RASA2: variants seen among roughly 807,000 people sequenced by gnomAD.
RASA2 encodes the protein ras GTPase-activating protein 2.
Under a neutral mutation model 118.2 loss-of-function variants are expected in RASA2, and 155 were observed. The ratio of observed to expected loss-of-function variants is 1.31; its 90% CI spans 1.15 to 1.50. The LOEUF (loss-of-function observed/expected upper bound fraction) is 1.50, where lower values mean the gene tolerates loss of function less well. Among genes scored for constraint, RASA2 ranks in the 40% most tolerant of loss-of-function variants. The pLI is 0.00. For missense variants in RASA2, 1,016 were observed against 1,009.6 expected (o/e 1.01, Z -0.09); for synonymous variants, 353 against 349.1 (o/e 1.01, Z -0.12).
rs2081588231 is a variant in RASA2, at chr3:141,487,217, G to T, written c.133+1G>T. 1 of 1,415,018 alleles carries T rather than the reference G, an allele frequency of 7.1e-7. No individual in the cohort carries two copies. The highest frequency in any genetic ancestry group is 9.3e-7 in the Non-Finnish European group (1 of 1,071,584). The allele number at this position is 1,415,018 out of a possible 1,614,324, so 87.7% of individuals were successfully genotyped here. On this transcript the variant is annotated splice_donor_variant, in intron 1 of 23. Transcript: ENST00000286364. LOFTEE classifies it high-confidence loss of function. ...TTGCAGAGCCTGCGGGGCAAGATCT[G>T]TAAGCGGGGGCTGGGCTGAGGGGAC... is the stretch of plus-strand genomic sequence containing the variant.
chr3:141,578,806 T>C (rs926116087), intron 15 of RASA2: 2 of 152,186 alleles, frequency 1.3e-5, no homozygotes, highest in African/African-American at 4.8e-5. Flanking sequence ...GTAACAGATG[T>C]TGGTGGATAC....
chr3:141,540,074 A>G (rs2082385413), intron 4 of RASA2, among the ~76,000 whole-genome samples: 1 of 152,184 alleles, frequency 6.6e-6, no homozygotes, highest in African/African-American at 2.4e-5. Context: ...CAAAGTAAGT[A>G]GTGACAAATT....
chr3:141,593,771 A>G (rs1463115624), intron 19 of RASA2, among the ~76,000 whole-genome samples: 1 of 152,234 alleles, frequency 6.6e-6, no homozygotes, highest in Non-Finnish European at 1.5e-5. Context: ...TAGGATTAAG[A>G]ATAAACAAAG....
intron 7 of RASA2, among the ~76,000 whole-genome samples, chr3:141,556,621 ATTAT>A (rs1198806334): frequency 1.3e-5 from 2 of 151,978 alleles, no homozygotes; most frequent in African/African-American, 2.4e-5. Flanking sequence ...CCTTTTTCAT[ATTAT>A]TTGCAAACTA....
intron 5 of RASA2, among the ~76,000 whole-genome samples, chr3:141,546,399 T>C (rs1000089060): frequency 6.6e-6 from 1 of 152,246 alleles, no homozygotes; most frequent in Non-Finnish European, 1.5e-5. Context: ...AGAAAAATTA[T>C]AATTTCATTG....
chr3:141,612,237 T>G (rs887591672), intron 23 of RASA2, 46 bp from the exon 24 acceptor site: 11 of 1,401,262 alleles, frequency 7.9e-6, no homozygotes, highest in African/African-American at 2.9e-5. Context: ...CCCTTTAAAT[T>G]TTTGTATTTC....
intron 4 of RASA2, among the ~76,000 whole-genome samples, chr3:141,537,600 C>G (rs990109262): frequency 6.6e-6 from 1 of 152,114 alleles, no homozygotes; most frequent in Non-Finnish European, 1.5e-5. Flanking sequence ...GAAACCGTGT[C>G]TCTACTAAAA....
intron 14 of RASA2, 132 bp downstream of exon 14, chr3:141,574,199 AT>A (rs926676705): frequency 1.5e-4 from 86 of 572,420 alleles, no homozygotes; most frequent in East Asian, 3.3e-4. Context: ...ATTTTATTTT[AT>A]TTTTTTTGAG....
At chr3:141,554,005 T>C in intron 6 of RASA2, 65 bp downstream of exon 6, 3 of 1,542,980 alleles carry the variant, frequency 1.9e-6, no homozygotes, top group East Asian at 2.3e-5. Flanking sequence ...ATTTAAAAAG[T>C]AAGATTCTAC....
At chr3:141,537,113 T>C (rs1186031076) in intron 4 of RASA2, among the ~76,000 whole-genome samples, 1 of 152,200 alleles carries the variant, frequency 6.6e-6, no homozygotes, top group East Asian at 1.9e-4. Context: ...CCCTAGGAGT[T>C]CTTGAATCTG....
chr3:141,593,998 G>A (rs938089116), intron 19 of RASA2, among the ~76,000 whole-genome samples: 3 of 152,248 alleles, frequency 2.0e-5, no homozygotes, highest in African/African-American at 7.2e-5. Flanking sequence ...TCTACATGTT[G>A]GAATTAGCAG....
At chr3:141,563,031 A>G (rs1294455654) in intron 9 of RASA2, among the ~76,000 whole-genome samples, 1 of 152,186 alleles carries the variant, frequency 6.6e-6, no homozygotes, top group Non-Finnish European at 1.5e-5. Flanking sequence ...ATTATGTACA[A>G]ATAATTGCAC....
Position 141,555,913 on chromosome 3 carries a change from G to T in RASA2, c.684+1G>T, listed in dbSNP as rs1027340891. On this transcript the variant is annotated splice_donor_variant, in intron 7 of 23. Coordinates refer to ENST00000286364, the MANE Select transcript of RASA2 (RefSeq NM_006506.5). LOFTEE classifies it high-confidence loss of function. ...GTTTAATGAAATCTTTTATTTTGAG[G>T]TAATTTTTTGTTTTACGTAAATGTT... is the stretch of plus-strand genomic sequence containing the variant. 1 of 1,599,014 alleles carries T rather than the reference G, an allele frequency of 6.3e-7. No homozygotes were observed. The highest frequency in any genetic ancestry group is 1.1e-5 in the South Asian group (1 of 90,172).
chr3:141,603,259 TGTG>T (rs1308404930), intron 19 of RASA2, among the ~76,000 whole-genome samples: 5 of 152,158 alleles, frequency 3.3e-5, no homozygotes, highest in African/African-American at 1.2e-4. Flanking sequence ...TCATTTTTAT[TGTG>T]GTGGTAATTG....
rs2082909350 is a variant in RASA2 at position 141,570,977 on chromosome 3, G to A, written c.929G>A (p.Arg310Gln). Residue 310 changes from arginine to glutamine, a missense_variant, in exon 10 of 24, where the codon CGA becomes CAA. Transcript: ENST00000286364. ...SSKTDDLGSLRLNICYTEDYV... is the reference protein window; with the variant it reads ...SSKTDDLGSLQLNICYTEDYV... ...AAAACTGATGACCTGGGGTCTCTTC[G>A]ATTAAATATATGTTATACAGAAGAC... The A allele has an allele frequency of 3.1e-6, 5 of 1,612,336 alleles. No homozygotes were observed. The highest frequency in any genetic ancestry group is 4.2e-6 in the Non-Finnish European group (5 of 1,179,082).
intron 9 of RASA2, among the ~76,000 whole-genome samples, chr3:141,570,194 C>T (rs1301844080): frequency 6.7e-6 from 1 of 149,604 alleles, no homozygotes; most frequent in African/African-American, 2.5e-5. Context: ...AGGTTACTTA[C>T]GCATTCTGAT....
At chr3:141,612,193 A>G in intron 23 of RASA2, 90 bp from the exon 24 acceptor site, 1 of 1,012,966 alleles carries the variant, frequency 9.9e-7, no homozygotes. Context: ...ATCCAGGGAA[A>G]ATTCTAAATA....
In RASA2 at chr3:141,516,382, GTCTT is replaced by G; in HGVS notation, c.310_313del (p.Phe104MetfsTer14). 1.9e-6 allele frequency: 3 copies of G among 1,565,286 alleles called. No individual in the cohort carries two copies. The highest frequency in any genetic ancestry group is 2.6e-6 in the Non-Finnish European group (3 of 1,156,202). On this transcript the variant is annotated frameshift_variant, in exon 3 of 24. Transcript: ENST00000286364. LOFTEE classifies it high-confidence loss of function. ...AGATTCCAAGAACTTTCCAGTATTT[GTCTT>G]TCTATGTTTATGATAAGAATGTTTT...
At chr3:141,494,253 A>C (rs1178644662) in intron 1 of RASA2, among the ~76,000 whole-genome samples, 1 of 152,274 alleles carries the variant, frequency 6.6e-6, no homozygotes, top group African/African-American at 2.4e-5. Flanking sequence ...ACAATGCTAA[A>C]CTATAGCAAT....
Sources: allele counts gnomAD v4.1 joint callset (sites outside exome capture counted in the v4.1 genomes callset), GRCh38; gene constraint gnomAD v4.1.1; transcripts MANE v1.5; gene names NCBI Gene and HGNC (gene_info 2026-07-23, HGNC 2026-07-21).